The following PHKA2 variants were observed in gnomAD, a reference collection of about 807,000 sequenced individuals.
The protein encoded by PHKA2 is phosphorylase b kinase regulatory subunit alpha, liver isoform.
Under a neutral mutation model 102.0 loss-of-function variants are expected in PHKA2, and 31 were observed. The observed-to-expected ratio is 0.30, with a 90% CI of 0.23 to 0.41. The LOEUF is 0.41. Ranked by LOEUF, PHKA2 falls within the 10% of genes least tolerant of loss-of-function variation. PHKA2 has a pLI of 1.00. For missense variants in PHKA2, 858 were observed against 1,023.1 expected, an observed-to-expected ratio of 0.84 and a Z score of 2.20; for synonymous variants, 455 against 416.2, an observed-to-expected ratio of 1.09 and a Z score of -1.13.
At chrX:18,975,356 G>A (rs973257931) in intron 1 of PHKA2, among the ~76,000 whole-genome samples, 4 of 111,797 alleles carry the variant, frequency 3.6e-5, no homozygotes, top group Non-Finnish European at 7.5e-5. Flanking sequence ...TTTGCCCGCT[G>A]CCATCCACAT....
chrX:18,950,778 A>T (rs952873969), intron 4 of PHKA2, among the ~76,000 whole-genome samples: 1 of 112,020 alleles, frequency 8.9e-6, no homozygotes, highest in Admixed American at 9.4e-5. Flanking sequence ...ACATGGGATG[A>T]AGGCTCTTAC....
rs2047585420 is a variant in PHKA2 at position 18,897,344 on chromosome X, G to A, written c.3112-11C>T. The stretch of plus-strand genomic sequence containing the variant: ...TGGGGTGCTGGACCTCTGCAAGACA[G>A]ACAGCTTGGGGCCTCAGAAGCCACG... On this transcript the variant is annotated splice_polypyrimidine_tract_variant and intron_variant, in intron 29 of 32. Coordinates refer to ENST00000379942, the MANE Select transcript of PHKA2 (RefSeq NM_000292.3). 2.5e-6 allele frequency: 3 copies of A among 1,198,393 alleles called. No homozygotes were observed. The highest frequency in any genetic ancestry group is 3.6e-5 in the South Asian group (2 of 55,961).
intron 7 of PHKA2, among the ~76,000 whole-genome samples, chrX:18,942,835 A>T (rs1285807354): frequency 9.6e-6 from 1 of 103,771 alleles, no homozygotes; most frequent in Non-Finnish European, 2.0e-5. Flanking sequence ...GCGATAGAGT[A>T]AGACCTCCTC....
chrX:18,963,290 C>T (rs2048894980), intron 1 of PHKA2, among the ~76,000 whole-genome samples: 1 of 112,310 alleles, frequency 8.9e-6, no homozygotes, highest in Non-Finnish European at 1.9e-5. Flanking sequence ...CCAAGTTGGA[C>T]CACCTGAGAG....
chrX:18,907,367 C>T (rs1025806090), intron 22 of PHKA2, among the ~76,000 whole-genome samples: 2 of 112,447 alleles, frequency 1.8e-5, no homozygotes, highest in Non-Finnish European at 3.8e-5. Context: ...TAATGCCCAT[C>T]CACTAGCAAA....
At chrX:18,983,751 C>A (rs2049217074) in intron 1 of PHKA2, 104 bp downstream of exon 1, 1 of 697,446 alleles carries the variant, frequency 1.4e-6, no homozygotes, top group African/African-American at 2.1e-5. Context: ...ATAGCAAACT[C>A]TTAATTGCAA....
rs758229838 is a variant in PHKA2, at chrX:18,938,656, C to T, written c.1012G>A (p.Asp338Asn). ...ACAGCATCACCACTGAAGACTCCAT[C>T]TATTATAAAATATGTCCAAAACACA... Reference protein sequence around the residue: ...WPVFWTYFIIDGVFSGDAVQV... With the variant: ...WPVFWTYFIINGVFSGDAVQV... The change falls in exon 10 of 33, where the codon GAT (aspartate) becomes AAT (asparagine). Residue 338 changes from aspartate (D) to asparagine (N), a missense_variant. Around this residue, in one of 2 missense-constraint regions of PHKA2, gnomAD observed 671 missense variants for 745.2 expected, o/e 0.90. Coordinates refer to ENST00000379942, the MANE Select transcript of PHKA2 (RefSeq NM_000292.3). The T allele has an allele frequency of 1.1e-5, 13 of 1,204,335 alleles. No individual in the cohort carries two copies. In the South Asian group the frequency reaches 1.6e-4, roughly 15 times the overall value.
chrX:18,893,365 G>A lies in PHKA2; in HGVS notation c.*120C>T, dbSNP rs1176099413. On this transcript the variant is annotated 3_prime_UTR_variant, in exon 33 of 33. Transcript: ENST00000379942. ...TGAGTGCTACCATTGCCCCCCGAGA[G>A]TGTTTCTGATGGGACATGCTTTCCT... 10 of 707,863 alleles carry A rather than the reference G, an allele frequency of 1.4e-5. No homozygotes were observed. The highest frequency in any genetic ancestry group is 1.1e-4 in the African/African-American group (5 of 47,087). The allele number at this position is 707,863 out of a possible 1,213,427, so 58.3% of individuals were successfully genotyped here.
chrX:18,939,715 G>A (rs898615226), intron 9 of PHKA2, among the ~76,000 whole-genome samples: 17 of 111,422 alleles, frequency 1.5e-4, no homozygotes, highest in East Asian at 1.1e-3. Context: ...GGATGGTCTC[G>A]ATCTCCTGAC....
chrX:18,903,164 A>G (rs778089696), intron 26 of PHKA2, among the ~76,000 whole-genome samples: 1 of 112,372 alleles, frequency 8.9e-6, no homozygotes, highest in African/African-American at 3.2e-5. Context: ...TGGTTCTGTG[A>G]CCTGCCTTTT....
chrX:18,954,266 G>A lies in PHKA2; in HGVS notation c.225C>T (p.Tyr75=), dbSNP rs747047311. 8.3e-6 allele frequency: 10 copies of A among 1,210,216 alleles called. No individual in the cohort carries two copies. The highest frequency in any genetic ancestry group is 3.0e-5 in the East Asian group (1 of 33,749). The change falls in exon 2 of 33, where the codon TAC becomes TAT. Residue 75 remains tyrosine (Y), a synonymous_variant. Transcript: ENST00000379942. The part of the protein sequence containing the change: ...ADRDEDKAKA[Y]ELEQNVVKLM... ...CAGTCACTATTACCTGCTCCAGCTC[G>A]TAGGCCTTGGCCTTGTCCTCATCGC...
intron 13 of PHKA2, 43 bp from the exon 14 acceptor site, chrX:18,926,630 G>C: frequency 8.5e-7 from 1 of 1,172,831 alleles, no homozygotes; most frequent in Non-Finnish European, 1.2e-6. Context: ...CATGACTCTT[G>C]TCTCTTCACA....
intron 4 of PHKA2, among the ~76,000 whole-genome samples, chrX:18,949,477 T>C (rs991698274): frequency 8.9e-6 from 1 of 111,819 alleles, no homozygotes; most frequent in African/African-American, 3.2e-5. Flanking sequence ...CTTTGAGTGA[T>C]ATCTAACTCT....
chrX:18,946,702 C>T (rs2048584382), intron 5 of PHKA2, among the ~76,000 whole-genome samples: 2 of 110,632 alleles, frequency 1.8e-5, no homozygotes, highest in Non-Finnish European at 3.8e-5. Flanking sequence ...ACAAGCTATT[C>T]CTGCACCCAA....
rs1278629659 is a variant in PHKA2 at position 18,900,688 on chromosome X, C to A, written c.3039G>T (p.Arg1013=). The A allele has an allele frequency of 8.3e-7, 1 of 1,208,915 alleles. No homozygotes were observed. The highest frequency in any genetic ancestry group is 1.8e-5 in the South Asian group (1 of 56,929). Residue 1013 remains arginine, a synonymous_variant, in exon 28 of 33, where the codon CGG becomes CGT. Coordinates refer to ENST00000379942, the MANE Select transcript of PHKA2 (RefSeq NM_000292.3). ...GTGTCACCTGTTCATCAGCACTAAA[C>A]CGCCTAGTCATCTGAAAGCAAAAAT... The part of the protein sequence containing the change: ...LRSEMKQMTR[R]FSADEQFFSV...
chrX:18,893,237 CCA>C lies in PHKA2; in HGVS notation c.*246_*247del. The C allele has an allele frequency of 2.4e-6, 1 of 423,547 alleles. No individual in the cohort carries two copies. Among genetic ancestry groups the C allele is most frequent in the Non-Finnish European group, 4.1e-6 (1 of 241,327 alleles). 34.9% of individuals were successfully genotyped at this position (423,547 alleles called of 1,213,427 possible). Reference sequence around the variant, plus strand: ...GAGACCAGATGCTACAGCAAATGTTCCAGAGAAATGAACCTAGAAAATGATCC... The same window carrying C: ...GAGACCAGATGCTACAGCAAATGTTCGAGAAATGAACCTAGAAAATGATCC... On this transcript the variant is annotated 3_prime_UTR_variant, in exon 33 of 33. Coordinates refer to ENST00000379942, the MANE Select transcript of PHKA2 (RefSeq NM_000292.3).
At chrX:18,949,773 AT>A (rs1399656780) in intron 4 of PHKA2, among the ~76,000 whole-genome samples, 1 of 112,182 alleles carries the variant, frequency 8.9e-6, no homozygotes, top group East Asian at 2.8e-4. Flanking sequence ...TGGCAGTGGA[AT>A]TTTTTTCTTT....
chrX:18,901,634 A>C, intron 26 of PHKA2, 31 bp from the exon 27 acceptor site: 46 of 995,427 alleles, frequency 4.6e-5, no homozygotes, highest in Non-Finnish European at 5.8e-5. Context: ...CGTGGTTCTC[A>C]GGAACTCTAC....
chrX:18,954,513 A>T (rs1222265002), intron 1 of PHKA2, 101 bp from the exon 2 acceptor site: 1 of 827,648 alleles, frequency 1.2e-6, no homozygotes, highest in Non-Finnish European at 1.8e-6. Flanking sequence ...CGGGACCTGG[A>T]GCAGGGAGAC....
Sources: gnomAD v4.1 joint callset for allele counts (sites outside exome capture counted in the v4.1 genomes callset) on GRCh38, gnomAD v4.1.1 for gene constraint, gnomAD v4.1.1 regional missense constraint, MANE v1.5 for transcripts, NCBI Gene and HGNC (gene_info 2026-07-23, HGNC 2026-07-21) for gene names.